Variants in TGFBR1 observed in about 807,000 individuals in gnomAD.
TGFBR1 encodes transforming growth factor beta receptor 1.
A neutral mutation model predicts 55.1 loss-of-function variants in TGFBR1; 20 were observed. The ratio of observed to expected loss-of-function variants is 0.36; its 90% CI spans 0.26 to 0.53. The LOEUF (loss-of-function observed/expected upper bound fraction) is 0.53, where lower values mean the gene tolerates loss of function less well. TGFBR1 is among the 20% of genes least tolerant of loss of function. The pLI, the probability that TGFBR1 is intolerant of heterozygous loss-of-function variation, is 0.91. For synonymous variants in TGFBR1, 220 were observed against 214.8 expected (o/e 1.02, Z -0.21); for missense variants, 385 against 617.6 (o/e 0.62, Z 3.99).
Position 99,149,818 on chromosome 9 carries a change from T to A in TGFBR1, c.*513T>A, listed in dbSNP as rs199521592. The stretch of plus-strand genomic sequence containing the variant: ...AAAACTAACACTTATAAAACTCTTA[T>A]CTTGAGTCTAAAAATGACCTCATAT... On this transcript the variant is annotated 3_prime_UTR_variant, in exon 9 of 9. Transcript: ENST00000374994. 19 of 227,810 alleles carry A rather than the reference T, an allele frequency of 8.3e-5. No individual in the cohort carries two copies. The highest frequency in any genetic ancestry group is 2.7e-4 in the African/African-American group (12 of 44,764). 14.1% of individuals were successfully genotyped at this position (227,810 alleles called of 1,614,324 possible).
chr9:99,131,468 G>A (rs970405245), intron 2 of TGFBR1, among the ~76,000 whole-genome samples: 4 of 152,102 alleles, frequency 2.6e-5, no homozygotes, highest in African/African-American at 9.7e-5. Context: ...TGAAAGAAAT[G>A]GTGGTAAGCA....
chr9:99,146,056 G>C, intron 6 of TGFBR1: 1 of 264,696 alleles, frequency 3.8e-6, no homozygotes, highest in Non-Finnish European at 7.3e-6. Flanking sequence ...GTAGGTTTTT[G>C]AAGCTTCAGT....
Position 99,152,787 on chromosome 9 carries a change from C to G in TGFBR1, c.*3482C>G, listed in dbSNP as rs201952588. 4 of 230,492 alleles carry G rather than the reference C, an allele frequency of 1.7e-5. No individual in the cohort carries two copies. The highest frequency in any genetic ancestry group is 8.6e-6 in the Non-Finnish European group (1 of 116,278). The allele number at this position is 230,492 out of a possible 1,614,324, so 14.3% of individuals were successfully genotyped here. A position where few individuals can be genotyped will look rare whatever the true frequency, so the allele number is the denominator to read the frequency against. ...ATGCCAGCTCAGATATTTTGAGATA[C>G]TAAGGATTATCTTTGGACATGTACT... On this transcript the variant is annotated 3_prime_UTR_variant, in exon 9 of 9. Coordinates refer to ENST00000374994, the MANE Select transcript of TGFBR1 (RefSeq NM_004612.4).
Position 99,152,786 on chromosome 9 carries a change from A to C in TGFBR1, c.*3481A>C, listed in dbSNP as rs571974570. 8.7e-6 allele frequency: 2 copies of C among 230,674 alleles called. No individual in the cohort carries two copies. The highest frequency in any genetic ancestry group is 1.7e-5 in the Non-Finnish European group (2 of 116,234). 14.3% of individuals were successfully genotyped at this position (230,674 alleles called of 1,614,324 possible). A position where few individuals can be genotyped will look rare whatever the true frequency, so the allele number is the denominator to read the frequency against. On this transcript the variant is annotated 3_prime_UTR_variant, in exon 9 of 9. Coordinates refer to ENST00000374994, the MANE Select transcript of TGFBR1 (RefSeq NM_004612.4). ...AATGCCAGCTCAGATATTTTGAGAT[A>C]CTAAGGATTATCTTTGGACATGTAC...
At chr9:99,116,326 A>C (rs1003341317) in intron 1 of TGFBR1, among the ~76,000 whole-genome samples, 3 of 152,184 alleles carry the variant, frequency 2.0e-5, no homozygotes, top group African/African-American at 7.2e-5. Context: ...AGAAGTCTTA[A>C]GGGAAAACTC....
Position 99,149,677 on chromosome 9 carries a change from T to C in TGFBR1, c.*372T>C, listed in dbSNP as rs200786932. ...TTGCTGAATTACAATGAAACATGTC[T>C]TATTACTAAAGAAAGTGATTTACTC... On this transcript the variant is annotated 3_prime_UTR_variant, in exon 9 of 9. Coordinates refer to ENST00000374994, the MANE Select transcript of TGFBR1 (RefSeq NM_004612.4). 43 of 320,366 alleles carry C rather than the reference T, an allele frequency of 1.3e-4. No individual in the cohort carries two copies. Among genetic ancestry groups the C allele is most frequent in the Non-Finnish European group, 2.1e-4 (35 of 168,908 alleles). 19.8% of individuals were successfully genotyped at this position (320,366 alleles called of 1,614,324 possible).
intron 3 of TGFBR1, among the ~76,000 whole-genome samples, chr9:99,134,802 T>TTATATATATATATATATATATATA (rs10625219): frequency 4.8e-5 from 2 of 41,382 alleles, no homozygotes; most frequent in Non-Finnish European, 8.4e-5. Flanking sequence ...TCTGTTTCCA[T>TTATATATATATATATATATATATA]TATATATATA....
intron 1 of TGFBR1, among the ~76,000 whole-genome samples, chr9:99,127,167 T>C (rs138526242): frequency 8.6e-4 from 131 of 152,288 alleles, no homozygotes; most frequent in African/African-American, 3.0e-3. Context: ...GGGTGAAGTC[T>C]AGGAGAAATC....
chr9:99,135,007 A>G (rs963068361), intron 3 of TGFBR1, among the ~76,000 whole-genome samples: 3 of 151,654 alleles, frequency 2.0e-5, no homozygotes, highest in African/African-American at 4.8e-5. Context: ...TTTCATCTTT[A>G]AAATGAAAGT....
At chr9:99,116,862 CCTGAAAGGAGTT>C (rs1826759150) in intron 1 of TGFBR1, among the ~76,000 whole-genome samples, 2 of 152,022 alleles carry the variant, frequency 1.3e-5, no homozygotes, top group East Asian at 3.9e-4. Context: ...CAAATGTTTC[CCTGAAAGGAGTT>C]CAGTCAACAC....
At position 99,105,205 on chromosome 9, in the gene TGFBR1, C is replaced by A; in HGVS notation, c.-1C>A. ...GGGCCACAGGCGGTGGCGGCGGGACCATGGAGGCGGCGGTCGCTGCTCCGC... is the reference window on the plus strand; with the variant it reads ...GGGCCACAGGCGGTGGCGGCGGGACAATGGAGGCGGCGGTCGCTGCTCCGC... On this transcript the variant is annotated 5_prime_UTR_variant, in exon 1 of 9. Coordinates refer to ENST00000374994, the MANE Select transcript of TGFBR1 (RefSeq NM_004612.4). The A allele has an allele frequency of 9.2e-7, 1 of 1,084,002 alleles. No homozygotes were observed. Among genetic ancestry groups the A allele is most frequent in the Non-Finnish European group, 1.1e-6 (1 of 895,964 alleles). 67.1% of individuals were successfully genotyped at this position (1,084,002 alleles called of 1,614,324 possible).
rs920474337 is a variant in TGFBR1 at position 99,147,932 on chromosome 9, G to A, written c.1386+148G>A. 5.2e-6 allele frequency: 5 copies of A among 969,684 alleles called. No individual in the cohort carries two copies. The Admixed American group carries it at 1.1e-4, about 22-fold the overall frequency. 60.1% of individuals were successfully genotyped at this position (969,684 alleles called of 1,614,324 possible). A position where few individuals can be genotyped will look rare whatever the true frequency, so the allele number is the denominator to read the frequency against. On this transcript the variant is annotated intron_variant, in intron 8 of 8. Coordinates refer to ENST00000374994, the MANE Select transcript of TGFBR1 (RefSeq NM_004612.4). The stretch of plus-strand genomic sequence containing the variant: ...CCAATGTTTAAAAACAGAATAATTT[G>A]GTTTTCATATTCAATTGTAAGCACA...
At chr9:99,116,020 T>C (rs1334373406) in intron 1 of TGFBR1, among the ~76,000 whole-genome samples, 3 of 152,162 alleles carry the variant, frequency 2.0e-5, no homozygotes, top group Non-Finnish European at 4.4e-5. Flanking sequence ...GAGATGCTCC[T>C]TTTTTCTCCC....
intron 1 of TGFBR1, chr9:99,127,843 C>G: frequency 2.3e-6 from 1 of 431,406 alleles, no homozygotes; most frequent in South Asian, 1.6e-5. Context: ...TGAAATTATG[C>G]ACACATTCTA....
intron 1 of TGFBR1, among the ~76,000 whole-genome samples, chr9:99,126,895 A>T (rs1312088010): frequency 6.6e-6 from 1 of 152,192 alleles, no homozygotes; most frequent in African/African-American, 2.4e-5. Flanking sequence ...GTTTTTAATA[A>T]TGATTAAGGT....
In TGFBR1 at chr9:99,117,797, A is replaced by T. The variant is rs141180413; in HGVS notation, c.98-11058A>T. 2.2e-3 allele frequency among the ~76,000 whole-genome samples: 332 copies of T among 152,282 alleles called. 1 individual carries two copies. The highest frequency in any genetic ancestry group is 7.6e-3 in the African/African-American group (315 of 41,562). ...AAGTCTTTCAAAGATTGCTTTGGTTATTCTTGCGATGTTGTTTTTCCATAT... is the reference window on the plus strand; with the variant it reads ...AAGTCTTTCAAAGATTGCTTTGGTTTTTCTTGCGATGTTGTTTTTCCATAT... On this transcript the variant is annotated intron_variant, in intron 1 of 8. Transcript: ENST00000374994.
At chr9:99,122,644 C>A (rs1826929396) in intron 1 of TGFBR1, among the ~76,000 whole-genome samples, 1 of 152,264 alleles carries the variant, frequency 6.6e-6, no homozygotes. Flanking sequence ...CTAACATCTG[C>A]AAACTTTGAA....
chr9:99,138,122 A>G (rs1271258962), intron 4 of TGFBR1, 33 bp downstream of exon 4: 3 of 1,571,442 alleles, frequency 1.9e-6, no homozygotes, highest in Non-Finnish European at 2.6e-6. Flanking sequence ...TATGTTATAT[A>G]TAACAAGATC....
chr9:99,111,490 G>C (rs372202333), intron 1 of TGFBR1, among the ~76,000 whole-genome samples: 26 of 151,890 alleles, frequency 1.7e-4, no homozygotes, highest in African/African-American at 6.0e-4. Flanking sequence ...TTAGCTGGAC[G>C]TAGTGGCAGG....
Sources: allele counts gnomAD v4.1 joint callset (sites outside exome capture counted in the v4.1 genomes callset), GRCh38; gene constraint gnomAD v4.1.1; transcripts MANE v1.5; gene names NCBI Gene and HGNC (gene_info 2026-07-23, HGNC 2026-07-21).